L3MBTL4: variants seen among roughly 807,000 people sequenced by gnomAD.
L3MBTL4 encodes lethal(3)malignant brain tumor-like protein 4.
A neutral mutation model predicts 84.5 loss-of-function variants in L3MBTL4; 70 were observed. The ratio of observed to expected loss-of-function variants is 0.83; its 90% CI spans 0.68 to 1.01. The LOEUF is 1.01. L3MBTL4 is among the 50% of genes least tolerant of loss of function. L3MBTL4 has a pLI of 0.00. For synonymous variants in L3MBTL4, 274 were observed against 259.8 expected, an observed-to-expected ratio of 1.05 and a Z score of -0.52; for missense variants, 715 against 754.8, an observed-to-expected ratio of 0.95 and a Z score of 0.62.
chr18:6,006,060 G>A (rs1201326193), intron 16 of L3MBTL4, among the ~76,000 whole-genome samples: 2 of 151,190 alleles, frequency 1.3e-5, no homozygotes, highest in South Asian at 2.1e-4. Flanking sequence ...ACATATGCAA[G>A]GAAAGAAAGC....
intron 1 of L3MBTL4, among the ~76,000 whole-genome samples, chr18:6,355,102 A>G (rs1568544356): frequency 6.6e-6 from 1 of 152,228 alleles, no homozygotes; most frequent in Non-Finnish European, 1.5e-5. Context: ...CTATTCAGCC[A>G]TAATAAAAAT....
chr18:6,248,123 C>T (rs1239278337), intron 5 of L3MBTL4, among the ~76,000 whole-genome samples: 1 of 152,172 alleles, frequency 6.6e-6, no homozygotes, highest in Non-Finnish European at 1.5e-5. Flanking sequence ...AATCCCCCCC[C>T]AAAAGGTTTG....
At chr18:6,358,542 A>G (rs1469130702) in intron 1 of L3MBTL4, among the ~76,000 whole-genome samples, 1 of 152,252 alleles carries the variant, frequency 6.6e-6, no homozygotes, top group Admixed American at 6.5e-5. Flanking sequence ...TCACCCAAAA[A>G]GAAAGACAGC....
rs1268634294 is a variant in L3MBTL4 at position 6,414,603 on chromosome 18, C to CGAAAGA, written c.-91+192_-91+197dup. The CGAAAGA allele has an allele frequency of 3.9e-5, 6 of 151,970 alleles. No homozygotes were observed. Among genetic ancestry groups the CGAAAGA allele is most frequent in the South Asian group, 2.1e-4 (1 of 4,832 alleles). 9.4% of individuals were successfully genotyped at this position (151,970 alleles called of 1,614,324 possible). On this transcript the variant is annotated intron_variant, in intron 1 of 18. Coordinates refer to ENST00000317931, the MANE Select transcript of L3MBTL4 (RefSeq NM_001330559.2). The surrounding 1 kb of genome is among the most constrained non-coding windows in gnomAD (Gnocchi z 5.4). ...GGGAGCCCGGCGCGCGCCCCGGCGG[C>CGAAAGA]GAAAGAGAAAGAGAAAGAGCCTGGG...
chr18:6,411,211 G>A (rs1265319191), intron 1 of L3MBTL4, among the ~76,000 whole-genome samples: 2 of 152,122 alleles, frequency 1.3e-5, no homozygotes, highest in African/African-American at 4.8e-5. Flanking sequence ...TTTTGCTTAA[G>A]TACAAGATGC....
At chr18:6,205,525 C>T (rs73385903) in intron 12 of L3MBTL4, among the ~76,000 whole-genome samples, 10,387 of 152,152 alleles carry the variant, frequency 0.068, 1,209 homozygotes, top group African/African-American at 0.24. Context: ...CTGTCACCAC[C>T]ACATTTGTAG....
chr18:6,267,589 A>G (rs1324650271), intron 4 of L3MBTL4, among the ~76,000 whole-genome samples: 1 of 152,250 alleles, frequency 6.6e-6, no homozygotes, highest in East Asian at 1.9e-4. Flanking sequence ...TTGGCTCTAA[A>G]GCAAATACAG....
chr18:6,310,399 G>A (rs1207396355), intron 3 of L3MBTL4, among the ~76,000 whole-genome samples: 1 of 152,184 alleles, frequency 6.6e-6, no homozygotes, highest in Non-Finnish European at 1.5e-5. Context: ...GCCCAGTGAG[G>A]CTAATCCTGA....
intron 13 of L3MBTL4, among the ~76,000 whole-genome samples, chr18:6,168,621 C>G (rs1197916359): frequency 6.6e-6 from 1 of 152,106 alleles, no homozygotes; most frequent in African/African-American, 2.4e-5. Context: ...ACTGGCTAGC[C>G]ATATGTAGAA....
chr18:6,292,207 C>T (rs555343823), intron 4 of L3MBTL4, among the ~76,000 whole-genome samples: 2 of 152,148 alleles, frequency 1.3e-5, no homozygotes, highest in African/African-American at 4.8e-5. Context: ...TCAATGGCTA[C>T]GACAGGTTTC....
rs563678931 is a variant in L3MBTL4, at chr18:5,958,062, GAGAAGAAGAAGAAGAAGAAGA to G, written c.1678-1696_1678-1676del. 6.7e-3 allele frequency among the ~76,000 whole-genome samples: 621 copies of G among 93,208 alleles called. 6 individuals carry two copies. Among genetic ancestry groups the G allele is most frequent in the Admixed American group, 0.021 (181 of 8,742 alleles). 61.1% of individuals were successfully genotyped at this position (93,208 alleles called of 152,430 possible). On this transcript the variant is annotated intron_variant, in intron 18 of 18. Transcript: ENST00000317931. ...GGAGGAGGAGAAGGAGAAGGAGAAG[GAGAAGAAGAAGAAGAAGAAGA>G]AGAAGAAGAAGAAGAAGAAGAAGAA...
chr18:6,324,390 G>C (rs8093116), intron 1 of L3MBTL4, among the ~76,000 whole-genome samples: 34,312 of 152,122 alleles, frequency 0.23, 5,484 homozygotes, highest in African/African-American at 0.46. Context: ...CAGCTTGCAC[G>C]ATGCTCCTGG....
rs768156681 is a variant in L3MBTL4 at position 6,006,055 on chromosome 18, T to C, written c.1445-36493A>G. Among the ~76,000 whole-genome samples the C allele has an allele frequency of 2.6e-5, 4 of 151,838 alleles. No homozygotes were observed. The East Asian group carries it at 7.7e-4, about 29-fold the overall frequency. ...ACACTGAAGCCACATCTATAACATA[T>C]GCAAGGAAAGAAAGCATAAGAATGA... On this transcript the variant is annotated intron_variant, in intron 16 of 18. Coordinates refer to ENST00000317931, the MANE Select transcript of L3MBTL4 (RefSeq NM_001330559.2).
intron 1 of L3MBTL4, among the ~76,000 whole-genome samples, chr18:6,358,308 A>G (rs548686409): frequency 6.6e-6 from 1 of 152,322 alleles, no homozygotes; most frequent in South Asian, 2.1e-4. Flanking sequence ...TTACAGAAAG[A>G]AAAACTGAAG....
Position 6,411,700 on chromosome 18 carries a change from C to G in L3MBTL4, c.-91+3101G>C, listed in dbSNP as rs1037138756. 4.6e-5 allele frequency among the ~76,000 whole-genome samples: 7 copies of G among 152,102 alleles called. 1 individual carries two copies. The highest frequency in any genetic ancestry group is 1.0e-4 in the Non-Finnish European group (7 of 68,024). ...ATGGAACTGTTCTTTTCTCTCAATGCTAGTTTAGTCACCCTAACACATGCT... is the reference window on the plus strand; with the variant it reads ...ATGGAACTGTTCTTTTCTCTCAATGGTAGTTTAGTCACCCTAACACATGCT... On this transcript the variant is annotated intron_variant, in intron 1 of 18. Transcript: ENST00000317931.
At chr18:6,322,731 C>A (rs1350484411) in intron 1 of L3MBTL4, among the ~76,000 whole-genome samples, 1 of 151,974 alleles carries the variant, frequency 6.6e-6, no homozygotes, top group Non-Finnish European at 1.5e-5. Context: ...ATTATAGTTA[C>A]CAAAGGCTGG....
intron 1 of L3MBTL4, among the ~76,000 whole-genome samples, chr18:6,312,497 A>C (rs1338458213): frequency 6.6e-6 from 1 of 152,130 alleles, no homozygotes; most frequent in Non-Finnish European, 1.5e-5. Context: ...CCATTTGCCC[A>C]GAGCTTCCTC....
At chr18:6,385,845 G>A (rs566393692) in intron 1 of L3MBTL4, among the ~76,000 whole-genome samples, 1 of 152,144 alleles carries the variant, frequency 6.6e-6, no homozygotes, top group African/African-American at 2.4e-5. Context: ...TTCTCTTATT[G>A]TCTTTAGGGA....
At position 5,969,582 on chromosome 18, in the gene L3MBTL4, GGGTGA is replaced by G. The variant is rs776659783; in HGVS notation, c.1445-25_1445-21del. On this transcript the variant is annotated intron_variant, in intron 16 of 18. Transcript: ENST00000317931. ...AGTATTCTGTAAGAGAGGTGGGGTG[GGGTGA>G]GGCTCAGGCTCCCAGAGAGCAAGCA... is the stretch of plus-strand genomic sequence containing the variant. 6.4e-7 allele frequency: 1 copy of G among 1,574,282 alleles called. No individual in the cohort carries two copies. The highest frequency in any genetic ancestry group is 8.6e-7 in the Non-Finnish European group (1 of 1,156,818).
Sources: gnomAD v4.1 joint callset for allele counts (sites outside exome capture counted in the v4.1 genomes callset) on GRCh38, gnomAD v4.1.1 for gene constraint, Gnocchi (gnomAD v3.1) non-coding constraint, MANE v1.5 for transcripts, NCBI Gene and HGNC (gene_info 2026-07-23, HGNC 2026-07-21) for gene names.